DDR2: variants seen among roughly 807,000 people sequenced by gnomAD.
DDR2 encodes the protein discoidin domain receptor tyrosine kinase 2, also known as discoidin domain-containing receptor 2.
In DDR2, 27 loss-of-function variants were observed where a neutral mutation model predicts 94.9. That is an observed-to-expected ratio of 0.28 (90% confidence interval 0.21 to 0.39). The LOEUF (loss-of-function observed/expected upper bound fraction) is 0.39, where lower values mean the gene tolerates loss of function less well. Among genes scored for constraint, DDR2 ranks in the 10% least tolerant of loss-of-function variants. DDR2 has a pLI of 1.00. For missense variants in DDR2, 783 were observed against 1,076.0 expected (o/e 0.73, Z 3.81); for synonymous variants, 382 against 377.2 (o/e 1.01, Z -0.15).
chr1:162,754,919 A>G, intron 5 of DDR2, 64 bp downstream of exon 5: 1 of 1,589,200 alleles, frequency 6.3e-7, no homozygotes, highest in Non-Finnish European at 8.6e-7. Context: ...GGCTAGGAGA[A>G]GAAGGGTACA....
intron 1 of DDR2, among the ~76,000 whole-genome samples, chr1:162,641,530 C>T (rs1163982639): frequency 6.6e-6 from 1 of 152,220 alleles, no homozygotes; most frequent in Admixed American, 6.5e-5. Flanking sequence ...CTCTAACTCA[C>T]CTTATAGCAT....
chr1:162,777,643 A>G (rs1647654351), intron 16 of DDR2: 2 of 152,194 alleles, frequency 1.3e-5, no homozygotes, highest in Non-Finnish European at 2.9e-5. Flanking sequence ...GTTCAAATCC[A>G]GTTTTTCCAC....
Position 162,656,849 on chromosome 1 carries a change from TATTTTTTTTG to T in DDR2, c.-28+1476_-28+1485del, listed in dbSNP as rs1453128767. Among the ~76,000 whole-genome samples the T allele has an allele frequency of 1.2e-4, 15 of 122,918 alleles. 2 individuals carry two copies. Among genetic ancestry groups the T allele is most frequent in the Admixed American group, 3.7e-4 (4 of 10,892 alleles). 80.6% of individuals were successfully genotyped at this position (122,918 alleles called of 152,430 possible). On this transcript the variant is annotated intron_variant, in intron 2 of 17. Transcript: ENST00000367921. ...GCCACTGGAGTTTTTTTTTTTTTTT[TATTTTTTTTG>T]TTAACAGGGTTTTGCTCTGTCACCC...
chr1:162,633,948 A>G (rs1656687743), intron 1 of DDR2, among the ~76,000 whole-genome samples: 1 of 152,220 alleles, frequency 6.6e-6, no homozygotes, highest in African/African-American at 2.4e-5. Flanking sequence ...ACGCTTAGAG[A>G]AGCGAAATGA....
At chr1:162,735,697 G>C (rs1662265624) in intron 3 of DDR2, among the ~76,000 whole-genome samples, 1 of 152,166 alleles carries the variant, frequency 6.6e-6, no homozygotes, top group Non-Finnish European at 1.5e-5. Flanking sequence ...TGTTATATAG[G>C]AAAATTCCTG....
upstream of DDR2, among the ~76,000 whole-genome samples, chr1:162,630,979 C>T (rs895251055): frequency 6.6e-6 from 1 of 152,174 alleles, no homozygotes; most frequent in Non-Finnish European, 1.5e-5. Context: ...AGTTTTTTCT[C>T]TAAGGTCTTG....
At chr1:162,670,156 G>C (rs1184613577) in intron 2 of DDR2, among the ~76,000 whole-genome samples, 2 of 152,322 alleles carry the variant, frequency 1.3e-5, no homozygotes, top group African/African-American at 4.8e-5. Context: ...TGTCGCCCAG[G>C]CTGGAGTGCA....
At chr1:162,772,339 C>T (rs1647270598) in intron 13 of DDR2, 92 bp downstream of exon 13, 1 of 1,272,092 alleles carries the variant, frequency 7.9e-7, no homozygotes, top group African/African-American at 1.5e-5. Flanking sequence ...GAGGTGGATT[C>T]ACAACAGAAT....
chr1:162,756,604 T>C (rs1338910777), intron 7 of DDR2, among the ~76,000 whole-genome samples: 2 of 152,178 alleles, frequency 1.3e-5, no homozygotes, highest in African/African-American at 2.4e-5. Flanking sequence ...GACCAGATGA[T>C]GGAGGTTGAC....
chr1:162,658,558 A>G (rs559279302), intron 2 of DDR2, among the ~76,000 whole-genome samples: 14 of 151,126 alleles, frequency 9.3e-5, no homozygotes, highest in Admixed American at 2.6e-4. Flanking sequence ...AGGCCGCTCA[A>G]TGGCTCACGT....
At chr1:162,676,166 TC>T (rs57181051) in intron 2 of DDR2, among the ~76,000 whole-genome samples, 90,348 of 151,676 alleles carry the variant, frequency 0.6, 30,630 homozygotes, top group Middle Eastern at 0.8. Context: ...AAGTGGACAG[TC>T]AAGAATGGTG....
chr1:162,651,290 C>T (rs1361130148), intron 1 of DDR2, among the ~76,000 whole-genome samples: 5 of 152,160 alleles, frequency 3.3e-5, no homozygotes, highest in Admixed American at 3.3e-4. Flanking sequence ...GCTTTGTCTT[C>T]GATTACCTGT....
chr1:162,651,585 C>CT (rs556772270), intron 1 of DDR2, among the ~76,000 whole-genome samples: 2 of 152,220 alleles, frequency 1.3e-5, no homozygotes, highest in East Asian at 3.9e-4. Flanking sequence ...TCCATTATAT[C>CT]TTTTTTGAGG....
At chr1:162,746,355 G>A (rs185272384) in intron 3 of DDR2, among the ~76,000 whole-genome samples, 29 of 152,314 alleles carry the variant, frequency 1.9e-4, no homozygotes, top group African/African-American at 6.5e-4. Flanking sequence ...CCACGCCCAC[G>A]GAGCCTTGCT....
chr1:162,631,639 G>A (rs931055854), upstream of DDR2, among the ~76,000 whole-genome samples: 2 of 152,098 alleles, frequency 1.3e-5, no homozygotes, highest in African/African-American at 2.4e-5. Context: ...TGGATGGAGA[G>A]GGTTATTAGT....
intron 9 of DDR2, 93 bp downstream of exon 9, chr1:162,761,547 G>C: frequency 1.9e-6 from 3 of 1,593,986 alleles, no homozygotes; most frequent in South Asian, 1.1e-5. Context: ...GTCTCTGAGA[G>C]GAGTGGGATT....
At chr1:162,660,822 G>C (rs552983525) in intron 2 of DDR2, among the ~76,000 whole-genome samples, 2 of 152,168 alleles carry the variant, frequency 1.3e-5, no homozygotes, top group Non-Finnish European at 2.9e-5. Context: ...TCACAGTGAC[G>C]CTCATGTATT....
intron 1 of DDR2, among the ~76,000 whole-genome samples, chr1:162,636,841 A>G (rs1183248400): frequency 1.3e-5 from 2 of 152,136 alleles, no homozygotes; most frequent in African/African-American, 4.8e-5. Context: ...AAATGAGGGC[A>G]AATAATCTAG....
intron 3 of DDR2, among the ~76,000 whole-genome samples, chr1:162,742,805 A>C (rs980911833): frequency 1.3e-5 from 2 of 152,244 alleles, no homozygotes; most frequent in African/African-American, 4.8e-5. Flanking sequence ...CCTCAGAATC[A>C]TGGCACGAGG....
Sources: gnomAD v4.1 joint callset for allele counts (sites outside exome capture counted in the v4.1 genomes callset) on GRCh38, gnomAD v4.1.1 for gene constraint, MANE v1.5 for transcripts, NCBI Gene and HGNC (gene_info 2026-07-23, HGNC 2026-07-21) for gene names.